Variants in GK observed in about 807,000 individuals in gnomAD.
The protein encoded by GK is ATP:glycerol 3-phosphotransferase.
Under a neutral mutation model 56.4 loss-of-function variants are expected in GK, and 9 were observed. The observed-to-expected ratio is 0.16, with a 90% CI of 0.10 to 0.28. GK has a LOEUF of 0.28. GK is among the 10% of genes least tolerant of loss of function. The pLI is 1.00. For synonymous variants in GK, 104 were observed against 144.1 expected (o/e 0.72, Z 1.99); for missense variants, 161 against 431.4 (o/e 0.37, Z 5.55).
At chrX:30,697,669 A>G (rs1601920265) in intron 8 of GK, 63 bp from the exon 9 acceptor site, 1 of 788,392 alleles carries the variant, frequency 1.3e-6, no homozygotes, top group East Asian at 3.1e-5. Flanking sequence ...GAACTGGCCT[A>G]GTTTTCTCTT....
chrX:30,718,953 G>A (rs779564691), intron 14 of GK, among the ~76,000 whole-genome samples: 7 of 111,560 alleles, frequency 6.3e-5, no homozygotes, highest in African/African-American at 2.3e-4. Flanking sequence ...ATTAGAGTGA[G>A]CATTAAAACT....
chrX:30,667,184 A>T, intron 2 of GK, among the ~76,000 whole-genome samples: 1 of 111,695 alleles, frequency 9.0e-6, no homozygotes, highest in Non-Finnish European at 1.9e-5. Flanking sequence ...AATTAAAAAA[A>T]AATTAGTTAG....
Position 30,730,628 on chromosome X carries a change from G to C in GK, c.*1886G>C, listed in dbSNP as rs1163383929. The C allele has an allele frequency of 9.0e-6, 1 of 111,569 alleles. No homozygotes were observed. Among genetic ancestry groups the C allele is most frequent in the Non-Finnish European group, 1.9e-5 (1 of 53,167 alleles). 9.2% of individuals were successfully genotyped at this position (111,569 alleles called of 1,213,427 possible). A position where few individuals can be genotyped will look rare whatever the true frequency, so the allele number is the denominator to read the frequency against. On this transcript the variant is annotated 3_prime_UTR_variant, in exon 21 of 21. Transcript: ENST00000427190. ...TTCTTACTTGCATTTCTCATTTACAGACTAGAACTTAGTTGAAAGTTAAAT... is the reference window on the plus strand; with the variant it reads ...TTCTTACTTGCATTTCTCATTTACACACTAGAACTTAGTTGAAAGTTAAAT...
At chrX:30,719,354 G>A in intron 14 of GK, 65 bp from the exon 15 acceptor site, 3 of 710,460 alleles carry the variant, frequency 4.2e-6, no homozygotes, top group Non-Finnish European at 6.7e-6. Flanking sequence ...TTTTAAAATA[G>A]GTATGCTTAT....
intron 9 of GK, among the ~76,000 whole-genome samples, chrX:30,699,255 A>G (rs1263897003): frequency 2.0e-5 from 2 of 97,979 alleles, no homozygotes; most frequent in Non-Finnish European, 4.1e-5. Context: ...TGTTATATAT[A>G]CATGTTATGT....
At chrX:30,700,131 T>C (rs1002251688) in intron 9 of GK, 48 of 283,211 alleles carry the variant, frequency 1.7e-4, no homozygotes, top group African/African-American at 1.1e-3. Flanking sequence ...TTCAACAGCC[T>C]GCTAGTAGAT....
At chrX:30,679,029 T>C (rs1251892474) in intron 4 of GK, among the ~76,000 whole-genome samples, 9 of 109,471 alleles carry the variant, frequency 8.2e-5, no homozygotes, top group African/African-American at 2.7e-4. Context: ...GTTTATTTTG[T>C]TCTCATTCTC....
At chrX:30,711,453 G>T in intron 13 of GK, among the ~76,000 whole-genome samples, 1 of 110,923 alleles carries the variant, frequency 9.0e-6, no homozygotes, top group Non-Finnish European at 1.9e-5. Flanking sequence ...TTAGGTACTT[G>T]GATCCAAGTC....
chrX:30,655,253 G>A (rs151284842), intron 1 of GK, among the ~76,000 whole-genome samples: 1,242 of 112,100 alleles, frequency 0.011, 30 homozygotes, highest in African/African-American at 0.039. Flanking sequence ...TGCTTAACTG[G>A]ATTTGATTAA....
chrX:30,685,908 A>C (rs1415147619), intron 4 of GK, among the ~76,000 whole-genome samples: 1 of 112,098 alleles, frequency 8.9e-6, no homozygotes, highest in Non-Finnish European at 1.9e-5. Context: ...AGGATACTTA[A>C]GCCAGGGCCT....
At chrX:30,705,153 G>T (rs749019915) in intron 11 of GK, among the ~76,000 whole-genome samples, 1 of 111,829 alleles carries the variant, frequency 8.9e-6, no homozygotes, top group South Asian at 3.7e-4. Flanking sequence ...ATAAATGGGG[G>T]ATAAGTGATG....
At chrX:30,724,882 T>G (rs1221004935) in intron 19 of GK, among the ~76,000 whole-genome samples, 1 of 110,381 alleles carries the variant, frequency 9.1e-6, no homozygotes, top group Non-Finnish European at 1.9e-5. Flanking sequence ...TTGAAGCATA[T>G]ACTTTTTTTT....
chrX:30,727,687 G>A, intron 20 of GK, 135 bp downstream of exon 20: 2 of 467,042 alleles, frequency 4.3e-6, no homozygotes, highest in Middle Eastern at 3.7e-4. Flanking sequence ...GGTCTAATTA[G>A]TTAGACCAAT....
chrX:30,686,992 C>T (rs1037516233), intron 4 of GK, among the ~76,000 whole-genome samples: 2 of 111,126 alleles, frequency 1.8e-5, no homozygotes, highest in Non-Finnish European at 3.8e-5. Flanking sequence ...CCTCTAGACA[C>T]GTTGCTCCCT....
At chrX:30,700,266 T>G (rs1026136275) in intron 9 of GK, 148 bp from the exon 10 acceptor site, 17 of 450,754 alleles carry the variant, frequency 3.8e-5, no homozygotes, top group Admixed American at 6.6e-5. Context: ...TATCTGTCTC[T>G]TTATCATTCA....
intron 13 of GK, among the ~76,000 whole-genome samples, chrX:30,709,141 G>A (rs1217188416): frequency 8.9e-6 from 1 of 112,134 alleles, no homozygotes; most frequent in Non-Finnish European, 1.9e-5. Context: ...TGTGGAGAGT[G>A]CATAGCACAA....
chrX:30,715,094 T>A (rs978430347), intron 13 of GK, among the ~76,000 whole-genome samples: 4 of 112,111 alleles, frequency 3.6e-5, no homozygotes, highest in Non-Finnish European at 7.5e-5. Context: ...GCCTGATGAA[T>A]GATTGTAAGC....
chrX:30,698,465 A>T (rs1935355087), intron 9 of GK: 1 of 111,320 alleles, frequency 9.0e-6, no homozygotes, highest in South Asian at 3.8e-4. Flanking sequence ...GCACTTTGGG[A>T]GGCCGAGGCG....
chrX:30,710,699 A>C (rs1936274152), intron 13 of GK, among the ~76,000 whole-genome samples: 1 of 111,732 alleles, frequency 8.9e-6, no homozygotes. Context: ...ACCTAAAACT[A>C]TAGCTACCCA....
Sources: allele counts gnomAD v4.1 joint callset (sites outside exome capture counted in the v4.1 genomes callset), GRCh38; gene constraint gnomAD v4.1.1; transcripts MANE v1.5; gene names NCBI Gene and HGNC (gene_info 2026-07-23, HGNC 2026-07-21).